KSR1: variants seen among roughly 807,000 people sequenced by gnomAD.
The protein encoded by KSR1 is kinase suppressor of ras 1.
KSR1 carries 35 observed loss-of-function variants against 92.9 expected under a neutral mutation model. The observed-to-expected ratio is 0.38, with a 90% CI of 0.29 to 0.50. The LOEUF is 0.50. Among genes scored for constraint, KSR1 ranks in the 20% least tolerant of loss-of-function variants. KSR1 has a pLI of 0.94. For synonymous variants in KSR1, 467 were observed against 472.6 expected, an observed-to-expected ratio of 0.99 and a Z score of 0.15; for missense variants, 972 against 1,158.5, an observed-to-expected ratio of 0.84 and a Z score of 2.34.
chr17:27,605,659 G>A lies in KSR1; in HGVS notation c.1840G>A (p.Val614Met), dbSNP rs1282098194. 1 of 1,612,142 alleles carries A rather than the reference G, an allele frequency of 6.2e-7. No individual in the cohort carries two copies. The highest frequency in any genetic ancestry group is 1.3e-5 in the African/African-American group (1 of 74,944). ...GCACCGCGGCCGCTGGCATGGCGAG[G>A]TGGCCATTCGCCTGCTGGAGATGGA... ...RVHRGRWHGE[V>M]AIRLLEMDGH... Residue 614 changes from valine to methionine, a missense_variant, in exon 14 of 21, where the codon GTG becomes ATG. Val to Met is a conservative substitution (Grantham distance 21). Around this residue, in one of 5 missense-constraint regions of KSR1, gnomAD observed 260 missense variants for 375.2 expected, o/e 0.69. Transcript: ENST00000644974.
At chr17:27,476,477 C>A (rs771237121) in intron 1 of KSR1, among the ~76,000 whole-genome samples, 4 of 152,320 alleles carry the variant, frequency 2.6e-5, no homozygotes, top group African/African-American at 4.8e-5. Flanking sequence ...CCCATCTTCT[C>A]AGGGAGCGCC....
In KSR1 at chr17:27,559,509, G is replaced by T. The variant is rs762415190; in HGVS notation, c.372+8801G>T. 6.6e-6 allele frequency among the ~76,000 whole-genome samples: 1 copy of T among 152,240 alleles called. No homozygotes were observed. The highest frequency in any genetic ancestry group is 1.5e-5 in the Non-Finnish European group (1 of 68,046). ...TAGTGCAGCTGAGAAACTGAAATTCGTGTTTTGTTTTATCGTAATGAATTT... is the reference window on the plus strand; with the variant it reads ...TAGTGCAGCTGAGAAACTGAAATTCTTGTTTTGTTTTATCGTAATGAATTT... On this transcript the variant is annotated intron_variant, in intron 2 of 20. Transcript: ENST00000644974. This position sits in a 1 kb window ranked among gnomAD's most constrained non-coding sequence, Gnocchi z 4.2.
At chr17:27,544,039 C>T (rs912421041) in intron 1 of KSR1, among the ~76,000 whole-genome samples, 11 of 152,218 alleles carry the variant, frequency 7.2e-5, no homozygotes, top group Admixed American at 3.9e-4. Context: ...CGTCCGCTGC[C>T]GCCGCAAGAG....
chr17:27,504,420 G>T (rs540423110), intron 1 of KSR1, among the ~76,000 whole-genome samples: 1 of 152,166 alleles, frequency 6.6e-6, no homozygotes, highest in Non-Finnish European at 1.5e-5. Context: ...TTGGGATATG[G>T]GGGGGAGAAG....
chr17:27,608,929 G>A (rs1446633287), intron 15 of KSR1, among the ~76,000 whole-genome samples: 5 of 152,148 alleles, frequency 3.3e-5, no homozygotes, highest in Admixed American at 3.3e-4. Flanking sequence ...CCTTAGCCAA[G>A]GTTAACATGG....
intron 2 of KSR1, among the ~76,000 whole-genome samples, chr17:27,553,143 C>T (rs2071457878): frequency 6.6e-6 from 1 of 152,218 alleles, no homozygotes; most frequent in South Asian, 2.1e-4. Context: ...TCAGTCTCCT[C>T]CTCTTGTGAA....
At chr17:27,483,686 G>GA (rs2068582309) in intron 1 of KSR1, 1 of 151,686 alleles carries the variant, frequency 6.6e-6, no homozygotes, top group African/African-American at 2.4e-5. Context: ...TGTTCTAGAT[G>GA]AAACTCCTTG....
In KSR1 at chr17:27,456,586, C is replaced by T. The variant is rs1287834060; in HGVS notation, c.-58C>T. 4.3e-6 allele frequency: 2 copies of T among 460,918 alleles called. No homozygotes were observed. Among genetic ancestry groups the T allele is most frequent in the Non-Finnish European group, 7.5e-6 (2 of 267,558 alleles). The allele number at this position is 460,918 out of a possible 1,614,324, so 28.6% of individuals were successfully genotyped here. ...GCTCTCCTGGCTCGGGGGTTCCTTG[C>T]CGAGGCGCCCGCGCCCCGGGCTCCC... On this transcript the variant is annotated 5_prime_UTR_variant, in exon 1 of 21. Transcript: ENST00000644974.
At chr17:27,575,675 C>T (rs1395308018) in intron 2 of KSR1, among the ~76,000 whole-genome samples, 6 of 152,214 alleles carry the variant, frequency 3.9e-5, no homozygotes, top group Non-Finnish European at 8.8e-5. Flanking sequence ...TCCAGTGCCT[C>T]TGACAGTGTC....
intron 1 of KSR1, among the ~76,000 whole-genome samples, chr17:27,474,064 T>C (rs986353603): frequency 6.6e-6 from 1 of 152,202 alleles, no homozygotes; most frequent in Non-Finnish European, 1.5e-5. Context: ...TTCACTTGCA[T>C]CCCTCCCTCC....
intron 1 of KSR1, among the ~76,000 whole-genome samples, chr17:27,523,400 AGG>A (rs2070122584): frequency 6.6e-6 from 1 of 150,898 alleles, no homozygotes; most frequent in Non-Finnish European, 1.5e-5. Context: ...AAAAAAAAAA[AGG>A]AAAGATACCA....
intron 1 of KSR1, chr17:27,526,602 T>C: frequency 6.3e-7 from 1 of 1,580,810 alleles, no homozygotes; most frequent in South Asian, 1.1e-5. Flanking sequence ...AGATGGACAT[T>C]TGTTGATCAT....
chr17:27,529,108 C>G (rs572832354), intron 1 of KSR1, among the ~76,000 whole-genome samples: 136 of 151,892 alleles, frequency 9.0e-4, no homozygotes, highest in Non-Finnish European at 1.6e-3. Context: ...GTTAATTTTG[C>G]TATAAAAATA....
chr17:27,545,709 A>G (rs1213123285), intron 1 of KSR1, among the ~76,000 whole-genome samples: 1 of 152,190 alleles, frequency 6.6e-6, no homozygotes, highest in Non-Finnish European at 1.5e-5. Flanking sequence ...GGCTTGAGGA[A>G]GGCTTCCTGG....
intron 1 of KSR1, among the ~76,000 whole-genome samples, chr17:27,472,587 T>C (rs1354505849): frequency 6.6e-6 from 1 of 152,184 alleles, no homozygotes; most frequent in Non-Finnish European, 1.5e-5. Context: ...GGTGGGCCGA[T>C]TACCTGAGGT....
intron 4 of KSR1, among the ~76,000 whole-genome samples, chr17:27,584,224 G>A (rs1001157701): frequency 2.0e-5 from 3 of 152,254 alleles, no homozygotes; most frequent in South Asian, 2.1e-4. Flanking sequence ...CCAAAAGGCC[G>A]AGAAGCAATA....
At chr17:27,526,052 C>CTTT (rs2070268550) in intron 1 of KSR1, among the ~76,000 whole-genome samples, 10 of 130,136 alleles carry the variant, frequency 7.7e-5, no homozygotes, top group African/African-American at 2.2e-4. Flanking sequence ...CTTTCTCTCT[C>CTTT]TCTCTCTCTC....
At chr17:27,543,589 C>T (rs564680188) in intron 1 of KSR1, among the ~76,000 whole-genome samples, 50 of 152,348 alleles carry the variant, frequency 3.3e-4, no homozygotes, top group Non-Finnish European at 5.9e-4. Context: ...GCCTCACCAC[C>T]ATCCAAGTGA....
chr17:27,516,456 C>T (rs185010604), intron 1 of KSR1, among the ~76,000 whole-genome samples: 6 of 152,200 alleles, frequency 3.9e-5, no homozygotes, highest in East Asian at 1.9e-4. Context: ...TTGGAACAGA[C>T]GTCTTCATGT....
Sources: allele counts gnomAD v4.1 joint callset (sites outside exome capture counted in the v4.1 genomes callset), GRCh38; gene constraint gnomAD v4.1.1; regional missense constraint gnomAD v4.1.1; non-coding constraint Gnocchi (gnomAD v3.1); transcripts MANE v1.5; gene names NCBI Gene and HGNC (gene_info 2026-07-23, HGNC 2026-07-21).